RAB38: variants seen among roughly 807,000 people sequenced by gnomAD.
The protein encoded by RAB38 is RAB38, member RAS oncogene family.
In RAB38, 15 loss-of-function variants were observed where a neutral mutation model predicts 18.4. The ratio of observed to expected loss-of-function variants is 0.82; its 90% CI spans 0.55 to 1.26. The LOEUF (loss-of-function observed/expected upper bound fraction) is 1.26. Among genes scored for constraint, RAB38 ranks in the 50% most tolerant of loss-of-function variants. RAB38 has a pLI of 0.00. For missense variants in RAB38, 294 were observed against 267.4 expected, an observed-to-expected ratio of 1.10 and a Z score of -0.69; for synonymous variants, 101 against 104.4, an observed-to-expected ratio of 0.97 and a Z score of 0.20.
At chr11:87,821,629 C>A in the RAB38 span, among the ~76,000 whole-genome samples, 1 of 151,996 alleles carries the variant, frequency 6.6e-6, no homozygotes, top group East Asian at 1.9e-4. Context: ...GCGGGTAGAT[C>A]ACCTGAGGTC....
At chr11:88,069,086 G>A in the RAB38 span, among the ~76,000 whole-genome samples, 7 of 152,210 alleles carry the variant, frequency 4.6e-5, no homozygotes, top group Non-Finnish European at 1.0e-4. Context: ...TGTGCACTGC[G>A]ATTGCGGGCC....
chr11:87,868,608 A>AGAGAGAGAGAGAGG, the RAB38 span, among the ~76,000 whole-genome samples: 122 of 103,006 alleles, frequency 1.2e-3, no homozygotes, highest in South Asian at 2.3e-3. Flanking sequence ...AGAGAGAGAG[A>AGAGAGAGAGAGAGG]GAGAGAGAGA....
At chr11:88,067,165 G>A in the RAB38 span, among the ~76,000 whole-genome samples, 1 of 152,102 alleles carries the variant, frequency 6.6e-6, no homozygotes, top group East Asian at 1.9e-4. Flanking sequence ...AAACTGACAG[G>A]AAATGAGTTG....
the RAB38 span, among the ~76,000 whole-genome samples, chr11:88,053,484 T>TATATGGAATATATATATACACACACATAC: frequency 6.9e-6 from 1 of 144,064 alleles, no homozygotes; most frequent in African/African-American, 2.7e-5. Flanking sequence ...TACACACATA[T>TATATGGAATATATATATACACACACATAC]ATATGGAATA....
the RAB38 span, among the ~76,000 whole-genome samples, chr11:87,827,844 G>A: frequency 1.6e-4 from 24 of 152,242 alleles, no homozygotes; most frequent in Admixed American, 9.2e-4. Context: ...ACGAAATAGC[G>A]AAGGAAGTTG....
the RAB38 span, among the ~76,000 whole-genome samples, chr11:87,975,570 A>G: frequency 6.6e-6 from 1 of 151,838 alleles, no homozygotes; most frequent in Non-Finnish European, 1.5e-5. Flanking sequence ...TCTCCTAACA[A>G]TCTTTAATAG....
At chr11:88,114,994 G>T (rs913567529) in intron 2 of RAB38, among the ~76,000 whole-genome samples, 6 of 152,162 alleles carry the variant, frequency 3.9e-5, no homozygotes, top group Admixed American at 3.3e-4. Flanking sequence ...ATAAGTTTAG[G>T]TTCAAAAATG....
chr11:88,139,246 C>T (rs1344809583), intron 2 of RAB38, among the ~76,000 whole-genome samples: 3 of 152,070 alleles, frequency 2.0e-5, no homozygotes, highest in Non-Finnish European at 4.4e-5. Context: ...CCCAGGAGTT[C>T]CTAAGAGTGG....
intron 2 of RAB38, among the ~76,000 whole-genome samples, chr11:88,116,870 C>T (rs1208963161): frequency 6.6e-6 from 1 of 152,082 alleles, no homozygotes; most frequent in Non-Finnish European, 1.5e-5. Context: ...TCATAACGTG[C>T]AAATTGACAA....
chr11:87,856,925 A>G, the RAB38 span, among the ~76,000 whole-genome samples: 2 of 152,056 alleles, frequency 1.3e-5, no homozygotes, highest in South Asian at 4.1e-4. Context: ...CAGGTTTGTT[A>G]CATATGTATA....
the RAB38 span, among the ~76,000 whole-genome samples, chr11:87,900,055 AT>A: frequency 6.6e-6 from 1 of 151,676 alleles, no homozygotes; most frequent in African/African-American, 2.4e-5. Flanking sequence ...TGCTGGAGAT[AT>A]GATGAAAAAC....
chr11:88,018,103 T>A, the RAB38 span, among the ~76,000 whole-genome samples: 2 of 152,118 alleles, frequency 1.3e-5, no homozygotes, highest in Non-Finnish European at 2.9e-5. Context: ...CTTTTGTAAA[T>A]TGCCTAGTCT....
chr11:87,941,239 A>ATATATATATATG, the RAB38 span, among the ~76,000 whole-genome samples: 1 of 130,456 alleles, frequency 7.7e-6, no homozygotes, highest in Non-Finnish European at 1.6e-5. Context: ...ATATATATAT[A>ATATATATATATG]TATATATGTA....
chr11:88,051,751 A>T, the RAB38 span, among the ~76,000 whole-genome samples: 1 of 152,338 alleles, frequency 6.6e-6, no homozygotes, highest in East Asian at 1.9e-4. Context: ...AACCTTTTGA[A>T]ACAAAAAATA....
chr11:87,976,166 G>A, the RAB38 span, among the ~76,000 whole-genome samples: 1 of 146,624 alleles, frequency 6.8e-6, no homozygotes, highest in African/African-American at 2.5e-5. Context: ...ATACCTTTAT[G>A]TATATAGGTA....
chr11:87,888,344 C>A, the RAB38 span, among the ~76,000 whole-genome samples: 7,097 of 151,968 alleles, frequency 0.047, 549 homozygotes, highest in African/African-American at 0.16. Context: ...GGAATTGATG[C>A]AATGCAGTAT....
At chr11:87,843,063 T>G in the RAB38 span, among the ~76,000 whole-genome samples, 1 of 152,156 alleles carries the variant, frequency 6.6e-6, no homozygotes, top group African/African-American at 2.4e-5. Context: ...CATATTTTAT[T>G]TTCTCAGCTC....
downstream of RAB38, among the ~76,000 whole-genome samples, chr11:88,112,717 T>A (rs1157875116): frequency 6.6e-6 from 1 of 151,948 alleles, no homozygotes; most frequent in African/African-American, 2.4e-5. Context: ...GAAGTTGCAG[T>A]GAGCTGAGAT....
chr11:87,842,896 A>T, the RAB38 span, among the ~76,000 whole-genome samples: 2 of 152,150 alleles, frequency 1.3e-5, no homozygotes, highest in Non-Finnish European at 2.9e-5. Flanking sequence ...TTTTTTATAA[A>T]AGATGTGAAA....
Sources: allele counts gnomAD v4.1 joint callset (sites outside exome capture counted in the v4.1 genomes callset), GRCh38; gene constraint gnomAD v4.1.1; transcripts MANE v1.5; gene names NCBI Gene and HGNC (gene_info 2026-07-23, HGNC 2026-07-21).